Variants in KSR2 observed in about 807,000 individuals in gnomAD.
The protein encoded by KSR2 is kinase suppressor of ras 2.
A neutral mutation model predicts 107.8 loss-of-function variants in KSR2; 25 were observed. The observed-to-expected ratio is 0.23, with a 90% confidence interval of 0.17 to 0.32. KSR2 has a LOEUF of 0.32. Among genes scored for constraint, KSR2 ranks in the 10% least tolerant of loss-of-function variants. The pLI is 1.00. For synonymous variants in KSR2, 480 were observed against 507.0 expected (o/e 0.95, Z 0.71); for missense variants, 887 against 1,268.9 (o/e 0.70, Z 4.57).
intron 10 of KSR2, among the ~76,000 whole-genome samples, chr12:117,538,464 TG>T (rs1876211617): frequency 6.6e-6 from 1 of 152,162 alleles, no homozygotes; most frequent in Admixed American, 6.5e-5. Flanking sequence ...AGGTGTGGGG[TG>T]GGGCCTCTGT....
At chr12:117,905,757 G>T (rs1381892452) in intron 1 of KSR2, among the ~76,000 whole-genome samples, 1 of 151,970 alleles carries the variant, frequency 6.6e-6, no homozygotes, top group South Asian at 2.1e-4. Context: ...ACACTGGTCC[G>T]TGATACAAGG....
intron 4 of KSR2, among the ~76,000 whole-genome samples, chr12:117,707,010 A>G (rs1409309139): frequency 1.3e-5 from 2 of 152,212 alleles, no homozygotes; most frequent in Admixed American, 1.3e-4. Flanking sequence ...GTATGTATAT[A>G]TGTATGTGTA....
intron 4 of KSR2, among the ~76,000 whole-genome samples, chr12:117,705,908 ATTC>A (rs1004977004): frequency 2.0e-5 from 3 of 152,000 alleles, no homozygotes; most frequent in Admixed American, 2.0e-4. Context: ...GCCTCAGTGT[ATTC>A]TTCTGTAAAA....
chr12:117,571,168 G>C (rs1158384426), intron 7 of KSR2, among the ~76,000 whole-genome samples: 1 of 152,166 alleles, frequency 6.6e-6, no homozygotes, highest in Non-Finnish European at 1.5e-5. Context: ...GGAGGCGGGA[G>C]AATTGCTTGA....
At position 117,457,433 on chromosome 12, in the gene KSR2, C is replaced by G. The variant is rs1870676972; in HGVS notation, c.*9766G>C. The G allele has an allele frequency of 6.6e-6, 1 of 152,100 alleles. No individual in the cohort carries two copies. Among genetic ancestry groups the G allele is most frequent in the Admixed American group, 6.5e-5 (1 of 15,274 alleles). The allele number at this position is 152,100 out of a possible 1,614,324, so 9.4% of individuals were successfully genotyped here. ...AGGCTTTTGAAATCCACCAACATACCCAAAAATAGGGCTATGCTGGAACTA... is the reference window on the plus strand; with the variant it reads ...AGGCTTTTGAAATCCACCAACATACGCAAAAATAGGGCTATGCTGGAACTA... On this transcript the variant is annotated 3_prime_UTR_variant, in exon 20 of 20. Transcript: ENST00000339824.
At chr12:117,701,376 A>T (rs1886304929) in intron 4 of KSR2, among the ~76,000 whole-genome samples, 1 of 152,208 alleles carries the variant, frequency 6.6e-6, no homozygotes, top group Admixed American at 6.5e-5. Flanking sequence ...TACAGGTGTG[A>T]GCCACTGCAC....
chr12:117,599,194 G>A (rs1880805241), intron 5 of KSR2, among the ~76,000 whole-genome samples: 1 of 152,100 alleles, frequency 6.6e-6, no homozygotes, highest in Non-Finnish European at 1.5e-5. Flanking sequence ...ACTTCAAATG[G>A]GATGGAAACA....
At chr12:117,484,342 C>A (rs937553704) in intron 16 of KSR2, 74 bp downstream of exon 16, 6 of 1,554,472 alleles carry the variant, frequency 3.9e-6, no homozygotes, top group Non-Finnish European at 5.3e-6. Context: ...GTCACTAAAG[C>A]CATTTGGACT....
intron 5 of KSR2, among the ~76,000 whole-genome samples, chr12:117,621,932 G>C (rs1882222229): frequency 6.6e-6 from 1 of 152,104 alleles, no homozygotes; most frequent in Admixed American, 6.6e-5. Flanking sequence ...ATTTGCAAAG[G>C]ATGAAAGATA....
intron 5 of KSR2, among the ~76,000 whole-genome samples, chr12:117,632,909 T>C (rs1882877810): frequency 6.6e-6 from 1 of 152,234 alleles, no homozygotes; most frequent in Non-Finnish European, 1.5e-5. Flanking sequence ...ATGGCGTACA[T>C]GTACCACATT....
intron 3 of KSR2, among the ~76,000 whole-genome samples, chr12:117,801,273 T>C (rs1160238843): frequency 1.3e-5 from 2 of 149,594 alleles, no homozygotes; most frequent in Non-Finnish European, 3.0e-5. Flanking sequence ...TCTGCCACCA[T>C]GCCCGGCTAA....
At chr12:117,611,445 G>GACACACACACACACACACAA (rs6144887) in intron 5 of KSR2, among the ~76,000 whole-genome samples, 1 of 144,500 alleles carries the variant, frequency 6.9e-6, no homozygotes, top group Non-Finnish European at 1.5e-5. Flanking sequence ...TGCACGCACA[G>GACACACACACACACACACAA]ACACACACAC....
At chr12:117,645,522 G>C (rs1883576777) in intron 5 of KSR2, among the ~76,000 whole-genome samples, 1 of 152,126 alleles carries the variant, frequency 6.6e-6, no homozygotes, top group African/African-American at 2.4e-5. Flanking sequence ...CCTCACTATA[G>C]ACCCCTGAAT....
At chr12:117,615,126 G>C (rs1447613263) in intron 5 of KSR2, among the ~76,000 whole-genome samples, 3 of 151,874 alleles carry the variant, frequency 2.0e-5, no homozygotes, top group Non-Finnish European at 4.4e-5. Context: ...AAGAATCTTT[G>C]TAAGATGGTA....
chr12:117,499,054 A>T (rs1021158926), intron 14 of KSR2, among the ~76,000 whole-genome samples: 2 of 152,240 alleles, frequency 1.3e-5, no homozygotes, highest in African/African-American at 4.8e-5. Flanking sequence ...AGCCTCTTCC[A>T]TGAGCAAGGT....
Position 117,453,370 on chromosome 12 carries a change from G to A in KSR2, c.*13829C>T, listed in dbSNP as rs1039773902. ...GACGGAGACAGACAGAGATAGAAACGGAAAGGAAAAGAAAGAAGTGGCCCC... is the reference window on the plus strand; with the variant it reads ...GACGGAGACAGACAGAGATAGAAACAGAAAGGAAAAGAAAGAAGTGGCCCC... On this transcript the variant is annotated 3_prime_UTR_variant, in exon 20 of 20. Coordinates refer to ENST00000339824, the MANE Select transcript of KSR2 (RefSeq NM_173598.6). 1.3e-5 allele frequency: 2 copies of A among 152,424 alleles called. No homozygotes were observed. Among genetic ancestry groups the A allele is most frequent in the South Asian group, 2.1e-4 (1 of 4,808 alleles). 9.4% of individuals were successfully genotyped at this position (152,424 alleles called of 1,614,324 possible). A position where few individuals can be genotyped will look rare whatever the true frequency, so the allele number is the denominator to read the frequency against.
At chr12:117,865,933 C>T (rs553524415) in intron 1 of KSR2, among the ~76,000 whole-genome samples, 1 of 152,118 alleles carries the variant, frequency 6.6e-6, no homozygotes, top group South Asian at 2.1e-4. Flanking sequence ...CTTCTCTGTC[C>T]AAATTTTTCT....
chr12:117,730,808 T>A (rs995196975), intron 4 of KSR2, among the ~76,000 whole-genome samples: 3 of 152,196 alleles, frequency 2.0e-5, no homozygotes, highest in African/African-American at 7.2e-5. Flanking sequence ...GCTCACTCAG[T>A]GCTCAATGTT....
intron 1 of KSR2, among the ~76,000 whole-genome samples, chr12:117,876,034 C>T (rs1015533008): frequency 2.6e-5 from 4 of 152,270 alleles, no homozygotes; most frequent in Admixed American, 2.6e-4. Context: ...AAAAATAAAT[C>T]CCAAGTCCTT....
Sources: gnomAD v4.1 joint callset for allele counts (sites outside exome capture counted in the v4.1 genomes callset) on GRCh38, gnomAD v4.1.1 for gene constraint, MANE v1.5 for transcripts, NCBI Gene and HGNC (gene_info 2026-07-23, HGNC 2026-07-21) for gene names.